LTBP1: variants seen among roughly 807,000 people sequenced by gnomAD.
LTBP1 encodes the protein latent transforming growth factor beta binding protein 1.
In LTBP1, 129 loss-of-function variants were observed where a neutral mutation model predicts 207.6. The ratio of observed to expected loss-of-function variants is 0.62; its 90% CI spans 0.54 to 0.72. The LOEUF (loss-of-function observed/expected upper bound fraction) is 0.72. Among genes scored for constraint, LTBP1 ranks in the 30% least tolerant of loss-of-function variants. The probability of loss-of-function intolerance (pLI) is 0.00; values close to 1 mark genes in which losing one functional copy is unlikely to be tolerated. For missense variants in LTBP1, 2,281 were observed against 2,217.2 expected (o/e 1.03, Z -0.58); for synonymous variants, 963 against 833.7 (o/e 1.16, Z -2.67).
rs552341649 is a variant in LTBP1 at position 33,080,999 on chromosome 2, G to A, written c.864-29583G>A. Among the ~76,000 whole-genome samples, 24 of 152,310 alleles carry A rather than the reference G, an allele frequency of 1.6e-4. No individual in the cohort carries two copies. The South Asian group carries it at 2.7e-3, about 17-fold the overall frequency. On this transcript the variant is annotated intron_variant, in intron 3 of 33. Coordinates refer to ENST00000404816, the MANE Select transcript of LTBP1 (RefSeq NM_206943.4). ...TCATTTGACATGGGAGCTTTCAGAA[G>A]TGAAGACCCAAAGAAACAGGGAAAC...
intron 15 of LTBP1, among the ~76,000 whole-genome samples, chr2:33,265,020 G>C (rs892677953): frequency 2.6e-5 from 4 of 152,194 alleles, no homozygotes; most frequent in Non-Finnish European, 5.9e-5. Context: ...GGCAGGAGAA[G>C]ATGGATGTCT....
At chr2:32,959,597 G>GTGTGTATA (rs1558438315) in intron 2 of LTBP1, among the ~76,000 whole-genome samples, 1 of 58,318 alleles carries the variant, frequency 1.7e-5, no homozygotes, top group African/African-American at 6.0e-5. Flanking sequence ...ATATGTACGT[G>GTGTGTATA]TATATATATA....
At chr2:33,202,022 A>AACACACAC (rs10558832) in intron 7 of LTBP1, among the ~76,000 whole-genome samples, 5,759 of 140,598 alleles carry the variant, frequency 0.041, 139 homozygotes, top group African/African-American at 0.047. Flanking sequence ...TTAGCACTGG[A>AACACACAC]ACACACACAC....
At chr2:33,121,903 T>G (rs1195386223) in intron 4 of LTBP1, among the ~76,000 whole-genome samples, 1 of 152,150 alleles carries the variant, frequency 6.6e-6, no homozygotes, top group East Asian at 1.9e-4. Context: ...GATATAGTTT[T>G]GTTAAGAATG....
chr2:33,165,534 G>C (rs1558737158), intron 5 of LTBP1, among the ~76,000 whole-genome samples: 1 of 152,198 alleles, frequency 6.6e-6, no homozygotes, highest in Non-Finnish European at 1.5e-5. Context: ...AAGTTGCAGA[G>C]AGCTGCACTG....
intron 21 of LTBP1, 100 bp downstream of exon 21, chr2:33,300,673 C>A: frequency 1.6e-6 from 2 of 1,224,630 alleles, no homozygotes; most frequent in African/African-American, 1.5e-5. Flanking sequence ...AAAAATTACC[C>A]AGATAATTGC....
At chr2:33,191,765 T>C (rs1456638790) in intron 7 of LTBP1, among the ~76,000 whole-genome samples, 1 of 152,224 alleles carries the variant, frequency 6.6e-6, no homozygotes, top group Non-Finnish European at 1.5e-5. Flanking sequence ...GTTGCTTTGC[T>C]CAGTGGAGCC....
intron 33 of LTBP1, among the ~76,000 whole-genome samples, chr2:33,398,055 C>T (rs1185413826): frequency 6.6e-6 from 1 of 152,120 alleles, no homozygotes; most frequent in Non-Finnish European, 1.5e-5. Flanking sequence ...AGCAGTTCCT[C>T]CATACCTATG....
Position 33,047,093 on chromosome 2 carries a change from T to C in LTBP1, c.863+25887T>C, listed in dbSNP as rs550626231. 1.7e-4 allele frequency among the ~76,000 whole-genome samples: 26 copies of C among 152,302 alleles called. No individual in the cohort carries two copies. The South Asian group carries it at 5.4e-3, about 32-fold the overall frequency. ...TGGATTCATTGATTTTTTGAAGGGT[T>C]TTTTGTGTCTCTATCTCCTTCAGTT... On this transcript the variant is annotated intron_variant, in intron 3 of 33. Transcript: ENST00000404816.
intron 3 of LTBP1, among the ~76,000 whole-genome samples, chr2:33,030,881 T>A (rs1318538281): frequency 6.6e-6 from 1 of 152,156 alleles, no homozygotes; most frequent in African/African-American, 2.4e-5. Flanking sequence ...GTTTCTTAGT[T>A]TTTTTTAGTG....
intron 2 of LTBP1, among the ~76,000 whole-genome samples, chr2:33,017,909 G>C (rs1038357045): frequency 1.3e-5 from 2 of 152,138 alleles, no homozygotes; most frequent in South Asian, 2.1e-4. Flanking sequence ...GTCAGATGAC[G>C]GGCTTCTCTT....
chr2:33,086,916 C>T (rs1314478965), intron 3 of LTBP1, among the ~76,000 whole-genome samples: 7 of 151,596 alleles, frequency 4.6e-5, no homozygotes, highest in Admixed American at 2.0e-4. Context: ...AGAATATCCC[C>T]ATCTTGTGGA....
At chr2:33,362,718 A>G (rs56309246) in intron 28 of LTBP1, among the ~76,000 whole-genome samples, 11,322 of 152,216 alleles carry the variant, frequency 0.074, 1,308 homozygotes, top group African/African-American at 0.25. Context: ...AAATGCTAGA[A>G]CTAATGCTAA....
At chr2:33,319,349 G>A (rs918621406) in intron 24 of LTBP1, among the ~76,000 whole-genome samples, 2 of 151,706 alleles carry the variant, frequency 1.3e-5, no homozygotes, top group East Asian at 3.9e-4. Context: ...AGTGAGCCGA[G>A]ATTGCGCCAT....
At chr2:33,302,320 G>A (rs1326850690) in intron 22 of LTBP1, among the ~76,000 whole-genome samples, 3 of 152,172 alleles carry the variant, frequency 2.0e-5, no homozygotes, top group Admixed American at 6.5e-5. Flanking sequence ...ACTGCATTTA[G>A]AGCCTGTCAG....
intron 2 of LTBP1, among the ~76,000 whole-genome samples, chr2:32,977,891 C>T (rs893969641): frequency 2.0e-5 from 3 of 152,170 alleles, no homozygotes; most frequent in Non-Finnish European, 4.4e-5. Flanking sequence ...TCTTCAGTTT[C>T]TTGCATCAAT....
intron 10 of LTBP1, among the ~76,000 whole-genome samples, chr2:33,249,403 G>C (rs755952679): frequency 1.3e-5 from 2 of 150,696 alleles, no homozygotes; most frequent in African/African-American, 4.9e-5. Context: ...TAATACATTA[G>C]AGTAGTATGT....
chr2:33,070,983 G>A (rs1445705012), intron 3 of LTBP1, among the ~76,000 whole-genome samples: 5 of 152,324 alleles, frequency 3.3e-5, no homozygotes, highest in South Asian at 2.1e-4. Context: ...CTTGCTAGAT[G>A]TATGAGAAAC....
chr2:33,182,693 T>TACAC lies in LTBP1; in HGVS notation c.1202-4162_1202-4161insCACA, dbSNP rs1255010918. ...AAAAAGAAGAAAAGATGGTGATATATATATATACACACACACACACACACA... is the reference window on the plus strand; with the variant it reads ...AAAAAGAAGAAAAGATGGTGATATATACACATATATACACACACACACACACACA... On this transcript the variant is annotated intron_variant, in intron 5 of 33. Coordinates refer to ENST00000404816, the MANE Select transcript of LTBP1 (RefSeq NM_206943.4). Among the ~76,000 whole-genome samples the TACAC allele has an allele frequency of 1.5e-4, 12 of 81,956 alleles. 1 individual carries two copies. The highest frequency in any genetic ancestry group is 6.9e-4 in the South Asian group (2 of 2,896). The allele number at this position is 81,956 out of a possible 152,430, so 53.8% of individuals were successfully genotyped here.
Sources: allele counts gnomAD v4.1 joint callset (sites outside exome capture counted in the v4.1 genomes callset), GRCh38; gene constraint gnomAD v4.1.1; transcripts MANE v1.5; gene names NCBI Gene and HGNC (gene_info 2026-07-23, HGNC 2026-07-21).